ADGB: variants seen among roughly 807,000 people sequenced by gnomAD.
ADGB encodes the protein calpain-7-like protein.
ADGB carries 172 observed loss-of-function variants against 210.5 expected under a neutral mutation model. The ratio of observed to expected loss-of-function variants is 0.82; its 90% CI spans 0.72 to 0.93. The LOEUF (loss-of-function observed/expected upper bound fraction) is 0.93. Among genes scored for constraint, ADGB ranks in the 40% least tolerant of loss-of-function variants. The probability of loss-of-function intolerance (pLI) is 0.00; values close to 1 mark genes in which losing one functional copy is unlikely to be tolerated. For missense variants in ADGB, 2,025 were observed against 1,964.8 expected (o/e 1.03, Z -0.58); for synonymous variants, 658 against 662.7 (o/e 0.99, Z 0.11).
At chr6:146,799,487 TCG>T (rs1452044400) in intron 33 of ADGB, among the ~76,000 whole-genome samples, 3 of 137,574 alleles carry the variant, frequency 2.2e-5, no homozygotes, top group Non-Finnish European at 4.5e-5. Flanking sequence ...TGAGCCAAGA[TCG>T]CGCCACTGCA....
chr6:146,809,875 A>G (rs1778278840), intron 35 of ADGB, among the ~76,000 whole-genome samples: 2 of 152,338 alleles, frequency 1.3e-5, no homozygotes, highest in Middle Eastern at 3.4e-3. Flanking sequence ...GCATACAGAA[A>G]AAATCTCCTT....
At chr6:146,649,497 A>ATT (rs35622724) in intron 3 of ADGB, among the ~76,000 whole-genome samples, 1,522 of 145,214 alleles carry the variant, frequency 0.01, 29 homozygotes, top group African/African-American at 0.034. Flanking sequence ...TATTTTACTA[A>ATT]TTTTTTTTTT....
chr6:146,668,605 T>A (rs1480496653), intron 7 of ADGB, among the ~76,000 whole-genome samples: 2 of 152,084 alleles, frequency 1.3e-5, no homozygotes, highest in Admixed American at 1.3e-4. Flanking sequence ...TTTAAAAGTA[T>A]GGAGCTCTAT....
chr6:146,666,968 T>C, intron 7 of ADGB, 66 bp downstream of exon 7: 1 of 1,278,630 alleles, frequency 7.8e-7, no homozygotes, highest in Non-Finnish European at 1.1e-6. Context: ...TTTAAAATAT[T>C]CCTAGCCTTT....
intron 3 of ADGB, among the ~76,000 whole-genome samples, chr6:146,651,932 C>A (rs9390410): frequency 0.75 from 114,152 of 151,482 alleles, 43,123 homozygotes; most frequent in South Asian, 0.83. Flanking sequence ...AAAATCCTGA[C>A]TTTAGGATAG....
rs189809810 is a variant in ADGB, at chr6:146,629,668, A to G, written c.75-5707A>G. On this transcript the variant is annotated intron_variant, in intron 1 of 35. Transcript: ENST00000397944. ...TATGCTGGTTTTGATGGACAAAATCACCAATTTATTTTTATCTGTAGGCTT... is the reference window on the plus strand; with the variant it reads ...TATGCTGGTTTTGATGGACAAAATCGCCAATTTATTTTTATCTGTAGGCTT... Among the ~76,000 whole-genome samples, 395 of 152,264 alleles carry G rather than the reference A, an allele frequency of 2.6e-3. 2 individuals are homozygous for G. Among genetic ancestry groups the G allele is most frequent in the Non-Finnish European group, 2.1e-3 (140 of 68,012 alleles).
At chr6:146,649,270 T>G (rs370355620) in intron 3 of ADGB, among the ~76,000 whole-genome samples, 12 of 151,792 alleles carry the variant, frequency 7.9e-5, no homozygotes, top group African/African-American at 2.9e-4. Context: ...CTCAGAAGAT[T>G]TATCCATTTT....
chr6:146,660,075 C>A (rs1298797921), intron 5 of ADGB, among the ~76,000 whole-genome samples: 2 of 152,042 alleles, frequency 1.3e-5, no homozygotes, highest in African/African-American at 2.4e-5. Flanking sequence ...GGTACAGAAA[C>A]CCCCCAACAT....
rs1333517099 is a variant in ADGB at position 146,748,977 on chromosome 6, T to G, written c.3365+2868T>G. 2.6e-5 allele frequency among the ~76,000 whole-genome samples: 4 copies of G among 152,186 alleles called. No individual in the cohort carries two copies. In the East Asian group the frequency reaches 7.7e-4, roughly 29 times the overall value. On this transcript the variant is annotated intron_variant, in intron 26 of 35. Transcript: ENST00000397944. ...TTGATTCTCTGCAAAAGACCCTATCTCCAAATAGGTGACATTGTGAAGCAC... is the reference window on the plus strand; with the variant it reads ...TTGATTCTCTGCAAAAGACCCTATCGCCAAATAGGTGACATTGTGAAGCAC...
chr6:146,720,723 G>C (rs565151304), intron 16 of ADGB, among the ~76,000 whole-genome samples: 1 of 151,290 alleles, frequency 6.6e-6, no homozygotes, highest in South Asian at 2.1e-4. Context: ...GGCAGAACAG[G>C]AGAGAGAGAG....
intron 33 of ADGB, among the ~76,000 whole-genome samples, chr6:146,793,354 C>T (rs1270076170): frequency 4.6e-5 from 7 of 152,174 alleles, no homozygotes; most frequent in Non-Finnish European, 1.0e-4. Context: ...TCTGGCTTCA[C>T]CTTTCAATCC....
chr6:146,663,136 T>A (rs2114892537), intron 5 of ADGB, among the ~76,000 whole-genome samples: 2 of 142,342 alleles, frequency 1.4e-5, no homozygotes, highest in African/African-American at 5.1e-5. Context: ...TATAATTATA[T>A]ATATAATTAT....
At chr6:146,633,033 A>G (rs1159618773) in intron 1 of ADGB, among the ~76,000 whole-genome samples, 5 of 151,986 alleles carry the variant, frequency 3.3e-5, no homozygotes, top group Admixed American at 6.6e-5. Flanking sequence ...TTTTCTCCCA[A>G]ACTTCAGAAT....
intron 1 of ADGB, chr6:146,600,386 T>G (rs1780536437): frequency 4.1e-6 from 1 of 246,814 alleles, no homozygotes; most frequent in African/African-American, 2.3e-5. Flanking sequence ...TCTCTAAAGT[T>G]ACCTTCCACT....
intron 23 of ADGB, among the ~76,000 whole-genome samples, chr6:146,737,004 A>G (rs1371920764): frequency 6.6e-6 from 1 of 152,048 alleles, no homozygotes; most frequent in Non-Finnish European, 1.5e-5. Flanking sequence ...GCCATAACTC[A>G]TGTCCAACAG....
intron 26 of ADGB, among the ~76,000 whole-genome samples, chr6:146,749,813 G>A (rs142599002): frequency 8.6e-5 from 13 of 151,976 alleles, no homozygotes; most frequent in African/African-American, 3.1e-4. Flanking sequence ...TCTTCACATG[G>A]CAGAGCAGGA....
At chr6:146,644,746 G>A (rs1369975625) in intron 2 of ADGB, 27 bp from the exon 3 acceptor site, 1 of 1,297,868 alleles carries the variant, frequency 7.7e-7, no homozygotes, top group South Asian at 1.8e-5. Context: ...AGAATATGCA[G>A]AAAAAACTCA....
chr6:146,788,415 GAACCA>G lies in ADGB; in HGVS notation c.4346_4350del (p.Pro1449LeufsTer40). On this transcript the variant is annotated frameshift_variant, in exon 33 of 36. Transcript: ENST00000397944. LOFTEE classifies it high-confidence loss of function. ...AGAAACAGCTGCACGTGGCGTAAAA[GAACCA>G]AACTCAAAGAATTCTGCAGGTTCAG... 2 of 1,551,564 alleles carry G rather than the reference GAACCA, an allele frequency of 1.3e-6. No homozygotes were observed. The highest frequency in any genetic ancestry group is 1.7e-6 in the Non-Finnish European group (2 of 1,146,906).
rs1365334028 is a variant in ADGB, at chr6:146,706,239, G to GT, written c.1707+5179dup. 1.9e-3 allele frequency among the ~76,000 whole-genome samples: 277 copies of GT among 146,046 alleles called. 1 individual carries two copies. The highest frequency in any genetic ancestry group is 4.8e-3 in the African/African-American group (190 of 39,898). ...CCTGGCCAACATGGGACAGTTTTTT[G>GT]TTTTTTTTTTCTTTTCTTTTTCTTT... is the stretch of plus-strand genomic sequence containing the variant. On this transcript the variant is annotated intron_variant, in intron 13 of 35. Transcript: ENST00000397944.
Sources: allele counts gnomAD v4.1 joint callset (sites outside exome capture counted in the v4.1 genomes callset), GRCh38; gene constraint gnomAD v4.1.1; transcripts MANE v1.5; gene names NCBI Gene and HGNC (gene_info 2026-07-23, HGNC 2026-07-21).